IFIH1: variants seen among roughly 807,000 people sequenced by gnomAD.
IFIH1 encodes interferon-induced helicase C domain-containing protein 1.
A neutral mutation model predicts 107.4 loss-of-function variants in IFIH1; 125 were observed. That is an observed-to-expected ratio of 1.16 (90% CI 1.01 to 1.35). IFIH1 has a LOEUF of 1.35. Among genes scored for constraint, IFIH1 ranks in the 40% most tolerant of loss-of-function variants. The probability of loss-of-function intolerance (pLI) is 0.00; values close to 1 mark genes in which losing one functional copy is unlikely to be tolerated. For missense variants in IFIH1, 1,333 were observed against 1,213.7 expected, an observed-to-expected ratio of 1.10 and a Z score of -1.46; for synonymous variants, 458 against 413.2, an observed-to-expected ratio of 1.11 and a Z score of -1.31.
intron 5 of IFIH1, among the ~76,000 whole-genome samples, chr2:162,287,093 T>C (rs948264078): frequency 1.3e-5 from 2 of 151,870 alleles, no homozygotes; most frequent in African/African-American, 4.8e-5. Flanking sequence ...GCAAAATAAA[T>C]AAAAGTGTTT....
At chr2:162,312,104 C>A (rs1576239744) in intron 1 of IFIH1, among the ~76,000 whole-genome samples, 1 of 152,258 alleles carries the variant, frequency 6.6e-6, no homozygotes, top group South Asian at 2.1e-4. Flanking sequence ...TTGTTTAGTT[C>A]TTTCCTACAA....
chr2:162,277,894 C>T (rs1255748612), intron 9 of IFIH1, among the ~76,000 whole-genome samples: 1 of 152,048 alleles, frequency 6.6e-6, no homozygotes, highest in Non-Finnish European at 1.5e-5. Flanking sequence ...TGAGTTCTGC[C>T]TCAGCAAAAA....
At chr2:162,268,632 C>T (rs552651897) in intron 13 of IFIH1, among the ~76,000 whole-genome samples, 82 of 152,162 alleles carry the variant, frequency 5.4e-4, no homozygotes, top group African/African-American at 1.9e-3. Flanking sequence ...CTCTGCTGCC[C>T]AGGCTGGAGT....
intron 5 of IFIH1, 130 bp from the exon 6 acceptor site, chr2:162,282,706 C>T (rs149584148): frequency 5.1e-5 from 31 of 613,384 alleles, no homozygotes; most frequent in African/African-American, 3.3e-4. Flanking sequence ...GGCATAACAA[C>T]GTTCCCATCA....
chr2:162,282,881 C>T (rs1480036683), intron 5 of IFIH1, among the ~76,000 whole-genome samples: 1 of 151,490 alleles, frequency 6.6e-6, no homozygotes, highest in Non-Finnish European at 1.5e-5. Flanking sequence ...ATTATTACAA[C>T]ACAATGTAAT....
In IFIH1 at chr2:162,267,290, T is replaced by C. The variant is rs773579812; in HGVS notation, c.2988A>G (p.Thr996=). 6.2e-7 allele frequency: 1 copy of C among 1,612,374 alleles called. No individual in the cohort carries two copies. The highest frequency in any genetic ancestry group is 8.5e-7 in the Non-Finnish European group (1 of 1,179,410). ...NFVVVFKNNS[T]KKQYKKWVEL... ...CTACCCACTTTTTGTATTGTTTCTT[T>C]GTTGAATTATTTTTGAAAACCACTA... Residue 996 remains threonine, a synonymous_variant, in exon 16 of 16, where the codon ACA becomes ACG. Coordinates refer to ENST00000649979, the MANE Select transcript of IFIH1 (RefSeq NM_022168.4).
intron 4 of IFIH1, among the ~76,000 whole-genome samples, chr2:162,289,333 A>G (rs1558870076): frequency 6.6e-6 from 1 of 151,630 alleles, no homozygotes; most frequent in Non-Finnish European, 1.5e-5. Context: ...CTTGTTTTAG[A>G]TAGAATATAT....
chr2:162,317,899 T>G lies in IFIH1; in HGVS notation c.409A>C (p.Lys137Gln), dbSNP rs2105237814. 6.2e-7 allele frequency: 1 copy of G among 1,610,922 alleles called. No homozygotes were observed. The stretch of plus-strand genomic sequence containing the variant: ...GTCAACAGTTCCTCCTCCATGCACT[T>G]ATCCAAGACGTCTCTAACTAGAAGC... ...DKLLVRDVLDKCMEEELLTIE... is the reference protein window; with the variant it reads ...DKLLVRDVLDQCMEEELLTIE... Residue 137 changes from lysine to glutamine, a missense_variant, in exon 1 of 16, where the codon AAG becomes CAG. Transcript: ENST00000649979.
chr2:162,282,245 TA>T (rs1294189048), intron 6 of IFIH1, 120 bp downstream of exon 6: 1 of 627,306 alleles, frequency 1.6e-6, no homozygotes, highest in Non-Finnish European at 2.6e-6. Context: ...AGGATTTTAA[TA>T]AAACCATAAG....
intron 8 of IFIH1, among the ~76,000 whole-genome samples, chr2:162,279,479 G>A (rs1682768704): frequency 6.6e-6 from 1 of 152,006 alleles, no homozygotes; most frequent in African/African-American, 2.4e-5. Context: ...TATAATTCCT[G>A]AAAAATTCAT....
chr2:162,317,113 T>A (rs1683506968), intron 1 of IFIH1, among the ~76,000 whole-genome samples: 1 of 151,618 alleles, frequency 6.6e-6, no homozygotes, highest in Non-Finnish European at 1.5e-5. Flanking sequence ...GGGCAAAGAT[T>A]GGAAAACTTT....
chr2:162,279,630 T>G (rs1054824370), intron 8 of IFIH1, among the ~76,000 whole-genome samples: 2 of 152,070 alleles, frequency 1.3e-5, no homozygotes, highest in African/African-American at 4.8e-5. Flanking sequence ...AAAATGGCTC[T>G]GTGGAATGTC....
Position 162,281,527 on chromosome 2 carries a change from A to G in IFIH1, c.1325T>C (p.Ile442Thr). ...TTTGTTGGTGTGATGACATTCATCA[A>G]TGATAATGAGGGAAAAGTCTTAAAA... The part of the protein sequence containing the change: ...VQLSDFSLII[I>T]DECHHTNKEA... Residue 442 changes from isoleucine to threonine, a missense_variant, in exon 7 of 16, where the codon ATT (isoleucine) becomes ACT (threonine). Transcript: ENST00000649979. 5 of 1,609,428 alleles carry G rather than the reference A, an allele frequency of 3.1e-6. No homozygotes were observed. Among genetic ancestry groups the G allele is most frequent in the Non-Finnish European group, 4.2e-6 (5 of 1,176,718 alleles).
intron 4 of IFIH1, among the ~76,000 whole-genome samples, chr2:162,289,475 A>C (rs12474122): frequency 0.15 from 22,193 of 151,794 alleles, 3,883 homozygotes; most frequent in African/African-American, 0.4. Context: ...CTTATATAAT[A>C]AGAAGAAAAA....
intron 1 of IFIH1, among the ~76,000 whole-genome samples, chr2:162,311,912 G>A (rs1483197098): frequency 6.6e-6 from 1 of 152,052 alleles, no homozygotes; most frequent in East Asian, 1.9e-4. Context: ...AAAAAATACT[G>A]ATGTCTAGGA....
intron 4 of IFIH1, among the ~76,000 whole-genome samples, chr2:162,290,010 G>A (rs979431759): frequency 1.3e-5 from 2 of 151,780 alleles, no homozygotes; most frequent in African/African-American, 4.8e-5. Flanking sequence ...ACCTCTATTA[G>A]GATAGTTTGT....
intron 1 of IFIH1, 110 bp from the exon 2 acceptor site, chr2:162,311,043 G>A (rs1683377452): frequency 2.7e-6 from 2 of 746,558 alleles, no homozygotes; most frequent in Non-Finnish European, 2.1e-6. Flanking sequence ...TATAAATAAA[G>A]GCTTACATTG....
intron 1 of IFIH1, among the ~76,000 whole-genome samples, chr2:162,316,309 C>G (rs1683488197): frequency 6.6e-6 from 1 of 152,210 alleles, no homozygotes; most frequent in Non-Finnish European, 1.5e-5. Context: ...CCATCTCCAG[C>G]TGGCTTGAAG....
intron 7 of IFIH1, among the ~76,000 whole-genome samples, chr2:162,280,700 T>A (rs1053728701): frequency 6.6e-6 from 1 of 152,094 alleles, no homozygotes; most frequent in African/African-American, 2.4e-5. Flanking sequence ...GTGTCTACTC[T>A]ACATAATTTG....
Sources: allele counts gnomAD v4.1 joint callset (sites outside exome capture counted in the v4.1 genomes callset), GRCh38; gene constraint gnomAD v4.1.1; transcripts MANE v1.5; gene names NCBI Gene and HGNC (gene_info 2026-07-23, HGNC 2026-07-21).